The following RIC1 variants were observed in gnomAD, a reference collection of about 807,000 sequenced individuals.
RIC1 encodes the protein guanine nucleotide exchange factor subunit RIC1.
RIC1 carries 88 observed loss-of-function variants against 169.0 expected under a neutral mutation model. That is an observed-to-expected ratio of 0.52 (90% confidence interval 0.44 to 0.62). The LOEUF is 0.62. Ranked by LOEUF, RIC1 falls within the 20% of genes least tolerant of loss-of-function variation. The probability of loss-of-function intolerance (pLI) is 0.00; values close to 1 mark genes in which losing one functional copy is unlikely to be tolerated. For missense variants in RIC1, 1,877 were observed against 1,725.5 expected, an observed-to-expected ratio of 1.09 and a Z score of -1.56; for synonymous variants, 790 against 601.5, an observed-to-expected ratio of 1.31 and a Z score of -4.59.
chr9:5,662,110 T>C (rs1008935085), intron 2 of RIC1, among the ~76,000 whole-genome samples: 4 of 152,246 alleles, frequency 2.6e-5, no homozygotes, highest in African/African-American at 9.6e-5. Flanking sequence ...TGTGTTCAGT[T>C]CTGTTTATGT....
Position 5,716,847 on chromosome 9 carries a change from A to AT in RIC1, c.440+2851dup, listed in dbSNP as rs1356564308. On this transcript the variant is annotated intron_variant, in intron 4 of 25. Transcript: ENST00000414202. ...CTGACACCAGCTTTTTTATTTCTAA[A>AT]TTTTTTTAGAGGTGGTAGTCTCACT... is the stretch of plus-strand genomic sequence containing the variant. Among the ~76,000 whole-genome samples the AT allele has an allele frequency of 2.0e-5, 3 of 152,178 alleles. No homozygotes were observed. The East Asian group carries it at 5.8e-4, about 29-fold the overall frequency.
At position 5,722,165 on chromosome 9, in the gene RIC1, G is replaced by A. The variant is rs577753851; in HGVS notation, c.720+1415G>A. Among the ~76,000 whole-genome samples the A allele has an allele frequency of 2.6e-5, 4 of 151,194 alleles. No individual in the cohort carries two copies. The South Asian group carries it at 8.4e-4, about 32-fold the overall frequency. ...AGCCTCCCAATGTGCTGGGATTACA[G>A]GCGTCAGCCATGGTGCCCAGCCCAT... On this transcript the variant is annotated intron_variant, in intron 6 of 25. Coordinates refer to ENST00000414202, the MANE Select transcript of RIC1 (RefSeq NM_020829.4).
Position 5,765,521 on chromosome 9 carries a change from A to G in RIC1, c.2949A>G (p.Lys983=), listed in dbSNP as rs752742878. 1 of 1,614,180 alleles carries G rather than the reference A, an allele frequency of 6.2e-7. No homozygotes were observed. Among genetic ancestry groups the G allele is most frequent in the Non-Finnish European group, 8.5e-7 (1 of 1,180,008 alleles). ...GTCGACACATGATTCGATTTCTTAA[A>G]GCCATTGGCTCTGGAGAATCTGAGA... ...DLCRHMIRFL[K]AIGSGESETP... is the part of the protein sequence containing the mutation. Residue 983 remains lysine (K), a synonymous_variant, in exon 20 of 26, where the codon AAA becomes AAG. Transcript: ENST00000414202.
At chr9:5,707,645 TC>T (rs1822674030) in intron 3 of RIC1, among the ~76,000 whole-genome samples, 1 of 152,054 alleles carries the variant, frequency 6.6e-6, no homozygotes, top group Non-Finnish European at 1.5e-5. Flanking sequence ...TTGTGATAGT[TC>T]CTAAAGTCTT....
intron 1 of RIC1, among the ~76,000 whole-genome samples, chr9:5,645,761 GTA>G (rs1305901487): frequency 6.6e-6 from 1 of 152,130 alleles, no homozygotes; most frequent in Non-Finnish European, 1.5e-5. Flanking sequence ...ATACTCCATT[GTA>G]TATGTACATA....
At chr9:5,635,276 A>C (rs1157331181) in intron 1 of RIC1, among the ~76,000 whole-genome samples, 1 of 152,138 alleles carries the variant, frequency 6.6e-6, no homozygotes, top group Admixed American at 6.6e-5. Context: ...CACCACACCC[A>C]GTCCTTATTC....
In RIC1 at chr9:5,702,744, A is replaced by T. The variant is rs766991587; in HGVS notation, c.333-11152A>T. Among the ~76,000 whole-genome samples the T allele has an allele frequency of 3.9e-5, 6 of 152,016 alleles. No homozygotes were observed. In the South Asian group the frequency reaches 1.2e-3, roughly 32 times the overall value. On this transcript the variant is annotated intron_variant, in intron 3 of 25. Coordinates refer to ENST00000414202, the MANE Select transcript of RIC1 (RefSeq NM_020829.4). ...TGTATTTTAGTGGAGACAGGCTTTC[A>T]CCCTGTTGCCCAGGCTGGTCTCGAA...
intron 7 of RIC1, among the ~76,000 whole-genome samples, chr9:5,733,327 G>A (rs371377481): frequency 4.3e-4 from 65 of 149,924 alleles, no homozygotes; most frequent in Non-Finnish European, 5.0e-4. Flanking sequence ...GCAGTGGAGC[G>A]ATCTCAGCTC....
intron 3 of RIC1, among the ~76,000 whole-genome samples, chr9:5,691,489 A>G (rs557075010): frequency 1.8e-4 from 27 of 152,088 alleles, no homozygotes; most frequent in Non-Finnish European, 2.9e-4. Context: ...ATGGGATTCA[A>G]TTTAACTTGT....
intron 19 of RIC1, 121 bp from the exon 20 acceptor site, chr9:5,765,293 A>T: frequency 9.7e-7 from 1 of 1,025,982 alleles, no homozygotes; most frequent in Non-Finnish European, 1.4e-6. Context: ...TCTTATTATT[A>T]AACTAACCCC....
chr9:5,677,999 G>A (rs201063371), intron 2 of RIC1, among the ~76,000 whole-genome samples: 5 of 135,116 alleles, frequency 3.7e-5, no homozygotes, highest in African/African-American at 5.7e-5. Context: ...CCTCCCCCCT[G>A]CCCCCACCCC....
At chr9:5,640,275 C>G (rs1407405467) in intron 1 of RIC1, among the ~76,000 whole-genome samples, 1 of 152,074 alleles carries the variant, frequency 6.6e-6, no homozygotes, top group Non-Finnish European at 1.5e-5. Flanking sequence ...CAAGTACTGT[C>G]TTATAACCCA....
chr9:5,711,731 C>T (rs10123593), intron 3 of RIC1, among the ~76,000 whole-genome samples: 49,040 of 151,980 alleles, frequency 0.32, 11,345 homozygotes, highest in African/African-American at 0.66. Flanking sequence ...CCTGCTGCCC[C>T]CACCCCACAA....
chr9:5,653,883 A>G (rs1031226489), intron 1 of RIC1, among the ~76,000 whole-genome samples: 3 of 152,202 alleles, frequency 2.0e-5, no homozygotes, highest in Admixed American at 1.3e-4. Flanking sequence ...GGCATGCACA[A>G]CCACACCCAG....
intron 22 of RIC1, chr9:5,769,562 G>A: frequency 1.1e-6 from 1 of 914,242 alleles, no homozygotes; most frequent in Non-Finnish European, 1.5e-6. Flanking sequence ...ATTGTGGGAA[G>A]GAGTTCTGGA....
At chr9:5,650,274 T>G (rs1350650176) in intron 1 of RIC1, among the ~76,000 whole-genome samples, 4 of 152,160 alleles carry the variant, frequency 2.6e-5, no homozygotes, top group Middle Eastern at 3.4e-3. Flanking sequence ...GATGGTAGCA[T>G]CAGGCTGGGT....
chr9:5,718,304 C>G (rs1205550551), intron 4 of RIC1, among the ~76,000 whole-genome samples: 1 of 151,856 alleles, frequency 6.6e-6, no homozygotes, highest in Non-Finnish European at 1.5e-5. Context: ...GTTTTCATTT[C>G]CAATTTAAAA....
At chr9:5,749,123 C>G (rs1435213244) in intron 12 of RIC1, among the ~76,000 whole-genome samples, 1 of 152,120 alleles carries the variant, frequency 6.6e-6, no homozygotes, top group Non-Finnish European at 1.5e-5. Context: ...TATGACTTGT[C>G]CAGTTCACCC....
At chr9:5,720,075 T>A in intron 4 of RIC1, 107 bp from the exon 5 acceptor site, 1 of 758,692 alleles carries the variant, frequency 1.3e-6, no homozygotes, top group Non-Finnish European at 2.1e-6. Context: ...GTTTTGTAAA[T>A]GGTTTCATGA....
Sources: gnomAD v4.1 joint callset for allele counts (sites outside exome capture counted in the v4.1 genomes callset) on GRCh38, gnomAD v4.1.1 for gene constraint, MANE v1.5 for transcripts, NCBI Gene and HGNC (gene_info 2026-07-23, HGNC 2026-07-21) for gene names.